The following CDIN1 variants were observed in gnomAD, a reference collection of about 807,000 sequenced individuals.
CDIN1 encodes CDAN1 interacting nuclease 1.
CDIN1 carries 33 observed loss-of-function variants against 45.3 expected under a neutral mutation model. The observed-to-expected ratio is 0.73, with a 90% CI of 0.55 to 0.97. The LOEUF (loss-of-function observed/expected upper bound fraction) is 0.97, where lower values mean the gene tolerates loss of function less well. Among genes scored for constraint, CDIN1 ranks in the 50% least tolerant of loss-of-function variants. CDIN1 has a pLI of 0.00. For missense variants in CDIN1, 303 were observed against 339.4 expected (o/e 0.89, Z 0.84); for synonymous variants, 118 against 124.4 (o/e 0.95, Z 0.34).
chr15:36,586,481 T>C (rs938563700), intron 1 of CDIN1, among the ~76,000 whole-genome samples: 2 of 152,216 alleles, frequency 1.3e-5, no homozygotes, highest in Non-Finnish European at 2.9e-5. Flanking sequence ...ACGATTTTCA[T>C]TGGTATTTGT....
At chr15:36,692,560 G>A (rs972770039) in intron 7 of CDIN1, among the ~76,000 whole-genome samples, 6 of 152,086 alleles carry the variant, frequency 3.9e-5, no homozygotes, top group South Asian at 2.1e-4. Context: ...TTGAATTTAC[G>A]AGAATAAATT....
chr15:36,709,099 C>T (rs766106028), intron 8 of CDIN1, 124 bp from the exon 9 acceptor site: 30 of 671,116 alleles, frequency 4.5e-5, no homozygotes, highest in Non-Finnish European at 5.8e-5. Context: ...GCACTGCATG[C>T]ATAAGAAAGA....
intron 10 of CDIN1, among the ~76,000 whole-genome samples, chr15:36,740,116 T>G (rs2044177670): frequency 6.6e-6 from 1 of 152,232 alleles, no homozygotes; most frequent in Non-Finnish European, 1.5e-5. Flanking sequence ...CATTAGAATA[T>G]TAACGGCTCT....
intron 10 of CDIN1, among the ~76,000 whole-genome samples, chr15:36,779,626 G>A (rs1475206570): frequency 6.6e-6 from 1 of 152,114 alleles, no homozygotes; most frequent in Non-Finnish European, 1.5e-5. Flanking sequence ...TTCTCCATTC[G>A]TGTTTTGGGA....
intron 10 of CDIN1, among the ~76,000 whole-genome samples, chr15:36,804,165 T>G (rs1269655405): frequency 1.3e-5 from 2 of 152,188 alleles, no homozygotes; most frequent in African/African-American, 2.4e-5. Context: ...AGTGGTTCGA[T>G]ATATATAAAG....
intron 5 of CDIN1, among the ~76,000 whole-genome samples, chr15:36,673,418 G>GT (rs1216862853): frequency 6.6e-6 from 1 of 152,094 alleles, no homozygotes. Flanking sequence ...AAAAAAGTAC[G>GT]TTTTTAATTA....
intron 1 of CDIN1, among the ~76,000 whole-genome samples, chr15:36,591,263 C>G (rs187566145): frequency 6.6e-6 from 1 of 152,202 alleles, no homozygotes; most frequent in Non-Finnish European, 1.5e-5. Context: ...CTACAGCTCT[C>G]TCAAGCTGAT....
intron 8 of CDIN1, among the ~76,000 whole-genome samples, chr15:36,703,964 C>T (rs1324360515): frequency 1.3e-5 from 2 of 152,158 alleles, no homozygotes; most frequent in Non-Finnish European, 2.9e-5. Flanking sequence ...ATAAATTGTC[C>T]TTTGGCCTTG....
intron 10 of CDIN1, among the ~76,000 whole-genome samples, chr15:36,738,872 G>T (rs2044129526): frequency 6.6e-6 from 1 of 152,154 alleles, no homozygotes; most frequent in Non-Finnish European, 1.5e-5. Context: ...GTATCACTAG[G>T]ATTAAAGTAA....
intron 1 of CDIN1, chr15:36,617,975 A>G (rs1204299129): frequency 6.5e-6 from 5 of 771,814 alleles, no homozygotes; most frequent in Non-Finnish European, 1.2e-5. Context: ...GCCCATTCAG[A>G]CTCAAGCACA....
intron 8 of CDIN1, 42 bp downstream of exon 8, chr15:36,697,432 T>C: frequency 1.4e-6 from 2 of 1,460,272 alleles, no homozygotes; most frequent in Non-Finnish European, 1.9e-6. Context: ...GTTGTCTCCC[T>C]GAGTGCTTAA....
intron 10 of CDIN1, among the ~76,000 whole-genome samples, chr15:36,741,884 A>G (rs540678096): frequency 6.6e-6 from 1 of 152,198 alleles, no homozygotes; most frequent in Non-Finnish European, 1.5e-5. Context: ...GGGCTTCAAC[A>G]TACAAAGTTT....
intron 1 of CDIN1, among the ~76,000 whole-genome samples, chr15:36,620,154 A>G (rs1240705563): frequency 1.3e-5 from 2 of 152,092 alleles, no homozygotes; most frequent in Non-Finnish European, 2.9e-5. Context: ...GATCGAGACC[A>G]TCCTGGCTAA....
At position 36,800,909 on chromosome 15, in the gene CDIN1, GTATATATATATATATA is replaced by G. The variant is rs370036091; in HGVS notation, c.717-7395_717-7380del. ...TGTGTGTGTGTGTGTGTGTGTGTGT[GTATATATATATATATA>G]TATATATATATATATATATGATTCT... On this transcript the variant is annotated intron_variant, in intron 10 of 10. Transcript: ENST00000566621. Among the ~76,000 whole-genome samples the G allele has an allele frequency of 8.9e-4, 20 of 22,376 alleles. 1 individual carries two copies. Among genetic ancestry groups the G allele is most frequent in the East Asian group, 4.7e-3 (2 of 424 alleles). 14.7% of individuals were successfully genotyped at this position (22,376 alleles called of 152,430 possible).
At chr15:36,765,470 T>C (rs539017412) in intron 10 of CDIN1, among the ~76,000 whole-genome samples, 1 of 152,128 alleles carries the variant, frequency 6.6e-6, no homozygotes, top group African/African-American at 2.4e-5. Context: ...GTAGGTGAGA[T>C]GTGGGGGATA....
chr15:36,788,570 G>T (rs1482254385), intron 10 of CDIN1, among the ~76,000 whole-genome samples: 2 of 151,928 alleles, frequency 1.3e-5, no homozygotes, highest in Non-Finnish European at 2.9e-5. Context: ...CTATGAATAC[G>T]AAATAAAAAA....
In CDIN1 at chr15:36,692,150, G is replaced by A. The variant is rs767414493; in HGVS notation, c.451G>A (p.Gly151Arg). 2.7e-5 allele frequency: 44 copies of A among 1,613,506 alleles called. No homozygotes were observed. Among genetic ancestry groups the A allele is most frequent in the Non-Finnish European group, 3.3e-5 (39 of 1,179,792 alleles). ...YQCIVNDCCY[G>R]PLVDCIKHAI... ...GTGCATTGTGAACGACTGCTGTTAC[G>A]GACCACTAGTGGACTGCATCAAGCA... The change falls in exon 7 of 11, where the codon GGA becomes AGA. Residue 151 changes from glycine (G) to arginine (R), a missense_variant. Transcript: ENST00000566621.
chr15:36,732,538 GA>G (rs1284302867), intron 10 of CDIN1, among the ~76,000 whole-genome samples: 1 of 151,956 alleles, frequency 6.6e-6, no homozygotes, highest in African/African-American at 2.4e-5. Flanking sequence ...TCCTTTCTTT[GA>G]AAAAGAGATA....
intron 10 of CDIN1, among the ~76,000 whole-genome samples, chr15:36,777,927 G>A (rs1289007782): frequency 6.6e-6 from 1 of 152,148 alleles, no homozygotes; most frequent in Non-Finnish European, 1.5e-5. Context: ...GTCTTCAAAG[G>A]CAATTGGAAG....
Sources: allele counts gnomAD v4.1 joint callset (sites outside exome capture counted in the v4.1 genomes callset), GRCh38; gene constraint gnomAD v4.1.1; transcripts MANE v1.5; gene names NCBI Gene and HGNC (gene_info 2026-07-23, HGNC 2026-07-21).